Variants in CFAP100 observed in about 807,000 individuals in gnomAD.
CFAP100 encodes the protein cilia- and flagella-associated protein 100.
Under a neutral mutation model 81.5 loss-of-function variants are expected in CFAP100, and 70 were observed. The ratio of observed to expected loss-of-function variants is 0.86; its 90% CI spans 0.71 to 1.05. CFAP100 has a LOEUF of 1.05. CFAP100 is among the 50% of genes least tolerant of loss of function. CFAP100 has a pLI of 0.00. For missense variants in CFAP100, 811 were observed against 776.5 expected, an observed-to-expected ratio of 1.04 and a Z score of -0.53; for synonymous variants, 341 against 314.8, an observed-to-expected ratio of 1.08 and a Z score of -0.88.
rs1399196179 is a variant in CFAP100 at position 126,436,468 on chromosome 3, A to G, written c.*64A>G. The G allele has an allele frequency of 2.0e-5, 26 of 1,330,512 alleles. No homozygotes were observed. Among genetic ancestry groups the G allele is most frequent in the Non-Finnish European group, 2.8e-5 (26 of 941,882 alleles). The allele number at this position is 1,330,512 out of a possible 1,614,324, so 82.4% of individuals were successfully genotyped here. ...AAAGATGTTGGCAGAGGAAGCAGAG[A>G]CTGGGCTGGGTCTCGAGTGGCCCAA... On this transcript the variant is annotated 3_prime_UTR_variant, in exon 17 of 17. Coordinates refer to ENST00000352312, the MANE Select transcript of CFAP100 (RefSeq NM_182628.3).
At chr3:126,422,488 GCC>G (rs35529379) in intron 11 of CFAP100, among the ~76,000 whole-genome samples, 2 of 151,888 alleles carry the variant, frequency 1.3e-5, no homozygotes, top group African/African-American at 2.4e-5. Context: ...AGCCAGCGCA[GCC>G]CCCCCCACCT....
At chr3:126,423,433 C>T in intron 12 of CFAP100, 57 bp downstream of exon 12, 1 of 1,608,548 alleles carries the variant, frequency 6.2e-7, no homozygotes, top group South Asian at 1.1e-5. Context: ...TTCCCTGCCC[C>T]CACCCCTGCC....
intron 13 of CFAP100, 121 bp downstream of exon 13, chr3:126,423,765 G>A (rs371527920): frequency 2.4e-6 from 3 of 1,249,030 alleles, no homozygotes; most frequent in African/African-American, 3.0e-5. Context: ...CCTGGTCCAG[G>A]TTGTCTGAAA....
At chr3:126,402,256 TTTA>T (rs2082996888) in intron 2 of CFAP100, among the ~76,000 whole-genome samples, 2 of 152,006 alleles carry the variant, frequency 1.3e-5, no homozygotes, top group African/African-American at 4.8e-5. Flanking sequence ...AAACACAGGT[TTTA>T]TTATTGCTGT....
chr3:126,436,164 T>C, intron 16 of CFAP100, 127 bp from the exon 17 acceptor site: 1 of 656,748 alleles, frequency 1.5e-6, no homozygotes, highest in South Asian at 1.8e-5. Flanking sequence ...GCCCTCAGCC[T>C]GCAGGGCTGA....
At chr3:126,405,845 T>C (rs1399504061) in intron 2 of CFAP100, among the ~76,000 whole-genome samples, 1 of 152,022 alleles carries the variant, frequency 6.6e-6, no homozygotes, top group African/African-American at 2.4e-5. Context: ...TGGAGTGCAG[T>C]GGCGCAATTA....
chr3:126,435,508 A>C, intron 15 of CFAP100, 51 bp from the exon 16 acceptor site: 1 of 1,523,048 alleles, frequency 6.6e-7, no homozygotes, highest in Non-Finnish European at 9.0e-7. Context: ...TGGAGATTAC[A>C]CAACACCTTC....
rs149964440 is a variant in CFAP100, at chr3:126,405,613, A to C, written c.50-1559A>C. Among the ~76,000 whole-genome samples, 892 of 152,272 alleles carry C rather than the reference A, an allele frequency of 5.9e-3. 6 individuals are homozygous for C. The highest frequency in any genetic ancestry group is 0.021 in the African/African-American group (858 of 41,542). On this transcript the variant is annotated intron_variant, in intron 2 of 16. Transcript: ENST00000352312. ...GGGAGGTAGAGGTTGCAGTGAGCCG[A>C]GATTGTGCTACTGTGCTCCAGTCTG... is the stretch of plus-strand genomic sequence containing the variant.
chr3:126,420,330 T>A, intron 11 of CFAP100, 101 bp downstream of exon 11: 1 of 1,485,632 alleles, frequency 6.7e-7, no homozygotes, highest in Non-Finnish European at 9.0e-7. Context: ...GAAAAGAAAG[T>A]GTGTTACTCA....
At chr3:126,401,558 TG>T (rs1336097795) in intron 2 of CFAP100, among the ~76,000 whole-genome samples, 1 of 150,466 alleles carries the variant, frequency 6.6e-6, no homozygotes, top group Non-Finnish European at 1.5e-5. Flanking sequence ...GCTGATTCAG[TG>T]ATTGTGGTGG....
At chr3:126,398,194 G>T (rs982361926) in intron 2 of CFAP100, among the ~76,000 whole-genome samples, 1 of 152,186 alleles carries the variant, frequency 6.6e-6, no homozygotes, top group East Asian at 1.9e-4. Context: ...GCGGGCAGGG[G>T]TGGGGGCTGC....
chr3:126,407,194 C>T lies in CFAP100; in HGVS notation c.72C>T (p.Asn24=), dbSNP rs146511492. The part of the protein sequence containing the change: ...TNDKNSLESM[N]ISSSSSTEEN... ...CAGAGAACAGCCTGGAATCCATGAA[C>T]ATCAGCTCTTCTTCAAGCACTGAAG... Residue 24 remains asparagine (N), a synonymous_variant, in exon 3 of 17, where the codon AAC becomes AAT. Transcript: ENST00000352312. 58 of 1,612,744 alleles carry T rather than the reference C, an allele frequency of 3.6e-5. No individual in the cohort carries two copies. In the African/African-American group the frequency reaches 4.5e-4, roughly 13 times the overall value.
chr3:126,434,124 G>A, intron 14 of CFAP100, 52 bp from the exon 15 acceptor site: 2 of 1,532,110 alleles, frequency 1.3e-6, no homozygotes, highest in Non-Finnish European at 1.8e-6. Context: ...GCACTGGCAT[G>A]GGGGTGGGTT....
chr3:126,416,201 A>T, intron 4 of CFAP100, 115 bp from the exon 5 acceptor site: 1 of 857,244 alleles, frequency 1.2e-6, no homozygotes, highest in Non-Finnish European at 1.8e-6. Context: ...AGCAGTGTTC[A>T]GGTCCCCGCG....
At chr3:126,423,282 C>T in intron 11 of CFAP100, 43 bp from the exon 12 acceptor site, 1 of 1,576,010 alleles carries the variant, frequency 6.3e-7, no homozygotes, top group Non-Finnish European at 8.6e-7. Flanking sequence ...CTCCTGTCTG[C>T]TCAGGCTGGT....
intron 5 of CFAP100, among the ~76,000 whole-genome samples, chr3:126,417,101 G>A (rs974452618): frequency 1.3e-5 from 2 of 152,150 alleles, no homozygotes; most frequent in Admixed American, 6.5e-5. Context: ...AGAAGTGGGC[G>A]GTTCCTAAGA....
At chr3:126,429,346 C>T (rs1420488567) in intron 13 of CFAP100, among the ~76,000 whole-genome samples, 4 of 152,000 alleles carry the variant, frequency 2.6e-5, no homozygotes, top group Admixed American at 2.6e-4. Flanking sequence ...TGTCTAATAG[C>T]TCCTTATGTT....
intron 3 of CFAP100, among the ~76,000 whole-genome samples, chr3:126,413,141 C>T (rs897327883): frequency 2.0e-5 from 3 of 152,214 alleles, no homozygotes; most frequent in South Asian, 2.1e-4. Flanking sequence ...GAAGGGAGAG[C>T]GAGTGCAGAT....
At chr3:126,401,724 C>T (rs1360344241) in intron 2 of CFAP100, among the ~76,000 whole-genome samples, 3 of 151,760 alleles carry the variant, frequency 2.0e-5, no homozygotes, top group Non-Finnish European at 4.4e-5. Context: ...TGTGGGTGTG[C>T]CCAGCTGCAG....
Sources: gnomAD v4.1 joint callset for allele counts (sites outside exome capture counted in the v4.1 genomes callset) on GRCh38, gnomAD v4.1.1 for gene constraint, MANE v1.5 for transcripts, NCBI Gene and HGNC (gene_info 2026-07-23, HGNC 2026-07-21) for gene names.